The following SACS variants were observed in gnomAD, a reference collection of about 807,000 sequenced individuals.
SACS encodes sacsin.
SACS carries 197 observed loss-of-function variants against 348.0 expected under a neutral mutation model. The observed-to-expected ratio is 0.57, with a 90% CI of 0.50 to 0.64. SACS has a LOEUF of 0.64. SACS is among the 30% of genes least tolerant of loss of function. The probability of loss-of-function intolerance (pLI) is 0.00; values close to 1 mark genes in which losing one functional copy is unlikely to be tolerated. For missense variants in SACS, 4,999 were observed against 5,360.8 expected (o/e 0.93, Z 2.11); for synonymous variants, 1,985 against 1,910.6 (o/e 1.04, Z -1.02).
At position 23,332,185 on chromosome 13, in the gene SACS, A is replaced by T. The variant is rs1883519241; in HGVS notation, c.11691T>A (p.Ser3897Arg). 1 of 1,613,790 alleles carries T rather than the reference A, an allele frequency of 6.2e-7. No individual in the cohort carries two copies. The highest frequency in any genetic ancestry group is 1.7e-5 in the Admixed American group (1 of 59,974). Reference protein sequence around the residue: ...SLQNDSVKVRSDLENVRDLAL... With the variant: ...SLQNDSVKVRRDLENVRDLAL... ...CAAGGTCTCGTACATTCTCGAGATC[A>T]CTCCTCACCTTGACTGAATCATTCT... The change falls in exon 10 of 10, where the codon AGT (serine) becomes AGA (arginine). Residue 3897 changes from serine to arginine, a missense_variant. This residue lies in a region of SACS where 831 missense variants were observed against 941.8 expected (regional missense o/e 0.88). Coordinates refer to ENST00000382292, the MANE Select transcript of SACS (RefSeq NM_014363.6).
intron 4 of SACS, among the ~76,000 whole-genome samples, chr13:23,369,711 A>T (rs1871269067): frequency 6.6e-6 from 1 of 151,808 alleles, no homozygotes; most frequent in African/African-American, 2.4e-5. Flanking sequence ...TACCCAGCTA[A>T]TTTTTTGTAT....
Position 23,335,503 on chromosome 13 carries a change from C to A in SACS, c.8373G>T (p.Lys2791Asn), listed in dbSNP as rs762948322. Residue 2791 changes from lysine (K) to asparagine (N), a missense_variant, in exon 10 of 10, where the codon AAG (lysine) becomes AAT (asparagine). Physicochemically the swap from Lys to Asn is moderately conservative, Grantham distance 94 (BLOSUM62 0). Around this residue, in one of 6 missense-constraint regions of SACS, gnomAD observed 3,156 missense variants for 3,380.1 expected, o/e 0.93. Transcript: ENST00000382292. The surrounding 1 kb of genome is among the most constrained non-coding windows in gnomAD (Gnocchi z 4.7). ...HASVIDSVTK[K>N]RQLKDIPVQQ... is the part of the protein sequence containing the mutation. The stretch of plus-strand genomic sequence containing the variant: ...GAACTGGTATGTCTTTGAGCTGCCT[C>A]TTTTTAGTAACACTATCAATTACAG... The A allele has an allele frequency of 2.5e-6, 4 of 1,613,714 alleles. No individual in the cohort carries two copies. Among genetic ancestry groups the A allele is most frequent in the Non-Finnish European group, 2.5e-6 (3 of 1,179,906 alleles).
chr13:23,355,388 G>A lies in SACS; in HGVS notation c.1224C>T (p.Asp408=), dbSNP rs2274386. 302 of 1,614,144 alleles carry A rather than the reference G, an allele frequency of 1.9e-4. 2 individuals are homozygous for A. In the East Asian group the frequency reaches 6.5e-3, roughly 35 times the overall value. ...CAAATTTCAGTTCATCAGCTAAAGA[G>A]TCAAGCTTACTACTGATCCCTCGCC... The part of the protein sequence containing the change: ...VGGRGISSKL[D]SLADELKFVP... The change falls in exon 8 of 10, where the codon GAC becomes GAT. Residue 408 remains aspartate, a synonymous_variant. Transcript: ENST00000382292.
Position 23,339,261 on chromosome 13 carries a change from T to G in SACS, c.4615A>C (p.Thr1539Pro). 1.9e-6 allele frequency: 3 copies of G among 1,604,000 alleles called. No homozygotes were observed. Among genetic ancestry groups the G allele is most frequent in the Non-Finnish European group, 2.6e-6 (3 of 1,176,284 alleles). The change falls in exon 10 of 10, where the codon ACT becomes CCT. Residue 1539 changes from threonine to proline, a missense_variant. Physicochemically the swap from Thr to Pro is conservative, Grantham distance 38 (BLOSUM62 -1). Coordinates refer to ENST00000382292, the MANE Select transcript of SACS (RefSeq NM_014363.6). ...CTTTTTAAAGATTCTCCTAACCTAGTTATGTTCACAAAATCTGAATCTGAG... is the reference window on the plus strand; with the variant it reads ...CTTTTTAAAGATTCTCCTAACCTAGGTATGTTCACAAAATCTGAATCTGAG... The part of the protein sequence containing the change: ...QFSDSDFVNI[T>P]RLGESLKRGE...
In SACS at chr13:23,341,678, G is replaced by A; in HGVS notation, c.2198C>T (p.Thr733Ile). The A allele has an allele frequency of 1.9e-6, 3 of 1,609,824 alleles. No homozygotes were observed. Among genetic ancestry groups the A allele is most frequent in the African/African-American group, 1.3e-5 (1 of 74,648 alleles). ...TTCTGGATTTAGAAGCTGCAGCTGA[G>A]TACATGGTCTTCCTGTAAATCATAC... ...EAAQTRGRPC[T>I]QLQLLNPERF... Residue 733 changes from threonine (T) to isoleucine (I), a missense_variant, in exon 10 of 10, where the codon ACT becomes ATT. Coordinates refer to ENST00000382292, the MANE Select transcript of SACS (RefSeq NM_014363.6).
intron 9 of SACS, 164 bp downstream of exon 9, chr13:23,353,621 T>C: frequency 1.7e-6 from 1 of 588,046 alleles, no homozygotes; most frequent in South Asian, 2.3e-5. Context: ...CAGCATCTCT[T>C]AGATGCCATT....
At chr13:23,349,145 A>C (rs1438182677) in intron 9 of SACS, among the ~76,000 whole-genome samples, 1 of 152,220 alleles carries the variant, frequency 6.6e-6, no homozygotes, top group East Asian at 1.9e-4. Flanking sequence ...GATGAAGCCC[A>C]AGCGCTGTAG....
Position 23,336,129 on chromosome 13 carries a change from A to T in SACS, c.7747T>A (p.Leu2583Met), listed in dbSNP as rs1017350676. The change falls in exon 10 of 10, where the codon TTG (leucine) becomes ATG (methionine). Residue 2583 changes from leucine to methionine, a missense_variant. Coordinates refer to ENST00000382292, the MANE Select transcript of SACS (RefSeq NM_014363.6). ...TACACACAAAGTGCTGGCCCTTGCA[A>T]TGGGGCCCACTTATCATCAAATATT... ...DRIFDDKWAP[L>M]QGPALCVYNN... is the part of the protein sequence containing the mutation. 6.2e-7 allele frequency: 1 copy of T among 1,612,860 alleles called. No individual in the cohort carries two copies. Among genetic ancestry groups the T allele is most frequent in the African/African-American group, 1.3e-5 (1 of 75,002 alleles).
At chr13:23,343,164 G>A (rs1869375186) in intron 9 of SACS, among the ~76,000 whole-genome samples, 1 of 152,104 alleles carries the variant, frequency 6.6e-6, no homozygotes, top group South Asian at 2.1e-4. Flanking sequence ...GTTGAAGGGG[G>A]CAGTTTTTAC....
chr13:23,350,656 GCT>G (rs1293706954), intron 9 of SACS, among the ~76,000 whole-genome samples: 3 of 152,132 alleles, frequency 2.0e-5, no homozygotes, highest in Non-Finnish European at 4.4e-5. Context: ...ATTCCATAGT[GCT>G]CTGTGTCAGC....
At chr13:23,401,319 A>C (rs988562293) in intron 2 of SACS, among the ~76,000 whole-genome samples, 39 of 152,216 alleles carry the variant, frequency 2.6e-4, no homozygotes, top group Middle Eastern at 3.2e-3. Context: ...TGGAAAGACT[A>C]ATCAGAAACT....
intron 2 of SACS, among the ~76,000 whole-genome samples, chr13:23,384,554 T>A (rs934151584): frequency 5.9e-5 from 9 of 152,350 alleles, no homozygotes; most frequent in African/African-American, 1.9e-4. Flanking sequence ...AATAAACTAG[T>A]TATTAGAGAA....
At chr13:23,406,382 G>T (rs576938842) in intron 2 of SACS, among the ~76,000 whole-genome samples, 1 of 152,128 alleles carries the variant, frequency 6.6e-6, no homozygotes, top group South Asian at 2.1e-4. Flanking sequence ...GCCTGTCGGG[G>T]GGTGGGGATT....
chr13:23,338,982 T>G lies in SACS; in HGVS notation c.4894A>C (p.Thr1632Pro), dbSNP rs140953505. Residue 1632 changes from threonine to proline, a missense_variant, in exon 10 of 10, where the codon ACT becomes CCT. By Grantham distance (38) the Thr-to-Pro change is conservative. Around this residue, in one of 6 missense-constraint regions of SACS, gnomAD observed 3,156 missense variants for 3,380.1 expected, o/e 0.93. Coordinates refer to ENST00000382292, the MANE Select transcript of SACS (RefSeq NM_014363.6). ...IDVFGCQLPLTVEAPYSYNGT... is the reference protein window; with the variant it reads ...IDVFGCQLPLPVEAPYSYNGT... ...TTATAGCTGTAAGGTGCTTCTACAG[T>G]CAAAGGTAACTGACAGCCAAATACA... 6 of 1,613,768 alleles carry G rather than the reference T, an allele frequency of 3.7e-6. No homozygotes were observed. In the African/African-American group the frequency reaches 8.0e-5, roughly 22 times the overall value.
intron 9 of SACS, 89 bp from the exon 10 acceptor site, chr13:23,341,779 T>TG: frequency 1.5e-6 from 1 of 660,524 alleles, no homozygotes; most frequent in Non-Finnish European, 2.3e-6. Flanking sequence ...ACTGGAAGGT[T>TG]CTTTTTTTTT....
chr13:23,415,599 A>T (rs11618207), intron 1 of SACS, among the ~76,000 whole-genome samples: 11,633 of 152,250 alleles, frequency 0.076, 555 homozygotes, highest in South Asian at 0.12. Context: ...AATCACTCTC[A>T]TAATTTGTTT....
Position 23,334,012 on chromosome 13 carries a change from A to C in SACS, c.9864T>G (p.Val3288=). Residue 3288 remains valine (V), a synonymous_variant, in exon 10 of 10, where the codon GTT becomes GTG. Coordinates refer to ENST00000382292, the MANE Select transcript of SACS (RefSeq NM_014363.6). Reference sequence around the variant, plus strand: ...CAGGAACCACAAGCTGGTTGGCTGAAACAGTAAACTTTGTTCCTGGAAGCA... The same window carrying C: ...CAGGAACCACAAGCTGGTTGGCTGACACAGTAAACTTTGTTCCTGGAAGCA... ...WALLPGTKFT[V]SANQLVVPEG... is the part of the protein sequence containing the mutation. 6.2e-7 allele frequency: 1 copy of C among 1,613,910 alleles called. No individual in the cohort carries two copies. The highest frequency in any genetic ancestry group is 8.5e-7 in the Non-Finnish European group (1 of 1,179,840).
In SACS at chr13:23,331,036, G is replaced by A. The variant is rs766612097; in HGVS notation, c.12840C>T (p.Phe4280=). The part of the protein sequence containing the change: ...TPGLRSIPPL[F]SGRESHKTSS... Reference sequence around the variant, plus strand: ...AAGTCTTGTGGCTCTCTCTACCAGAGAAAAGAGGAGGAATGCTTCTCAGGC... The same window carrying A: ...AAGTCTTGTGGCTCTCTCTACCAGAAAAAAGAGGAGGAATGCTTCTCAGGC... The change falls in exon 10 of 10, where the codon TTC becomes TTT. Residue 4280 remains phenylalanine, a synonymous_variant. Coordinates refer to ENST00000382292, the MANE Select transcript of SACS (RefSeq NM_014363.6). The A allele has an allele frequency of 1.9e-6, 3 of 1,614,016 alleles. No homozygotes were observed. In the African/African-American group the frequency reaches 4.0e-5, roughly 22 times the overall value.
At chr13:23,433,270 A>G (rs1441161765) in intron 1 of SACS, among the ~76,000 whole-genome samples, 1 of 152,068 alleles carries the variant, frequency 6.6e-6, no homozygotes, top group Admixed American at 6.5e-5. Context: ...TTAAAATGAC[A>G]AAGCGGCTAG....
Sources: gnomAD v4.1 joint callset for allele counts (sites outside exome capture counted in the v4.1 genomes callset) on GRCh38, gnomAD v4.1.1 for gene constraint, gnomAD v4.1.1 regional missense constraint, Gnocchi (gnomAD v3.1) non-coding constraint, MANE v1.5 for transcripts, NCBI Gene and HGNC (gene_info 2026-07-23, HGNC 2026-07-21) for gene names.